MDH1: variants seen among roughly 807,000 people sequenced by gnomAD.
MDH1 encodes malate dehydrogenase 1, also known as malate dehydrogenase, cytoplasmic.
A neutral mutation model predicts 38.7 loss-of-function variants in MDH1; 15 were observed. The ratio of observed to expected loss-of-function variants is 0.39; its 90% CI spans 0.26 to 0.60. MDH1 has a LOEUF of 0.60. MDH1 is among the 20% of genes least tolerant of loss of function. The pLI is 0.56. For missense variants in MDH1, 368 were observed against 405.2 expected, an observed-to-expected ratio of 0.91 and a Z score of 0.79; for synonymous variants, 144 against 143.6, an observed-to-expected ratio of 1.00 and a Z score of -0.02.
intron 5 of MDH1, among the ~76,000 whole-genome samples, chr2:63,602,566 G>A (rs1358364896): frequency 6.6e-6 from 1 of 151,780 alleles, no homozygotes; most frequent in Non-Finnish European, 1.5e-5. Flanking sequence ...ATTTTTTTCT[G>A]TGTCTTTATG....
At chr2:63,600,260 C>T (rs1335013404) in intron 5 of MDH1, among the ~76,000 whole-genome samples, 1 of 152,174 alleles carries the variant, frequency 6.6e-6, no homozygotes, top group Non-Finnish European at 1.5e-5. Context: ...AAATTGAATG[C>T]TATACATGTA....
chr2:63,602,687 T>A (rs1035190316), intron 5 of MDH1, among the ~76,000 whole-genome samples: 2 of 152,152 alleles, frequency 1.3e-5, no homozygotes, highest in Non-Finnish European at 2.9e-5. Context: ...CTCTCCCTTA[T>A]GGTCACACCA....
intron 1 of MDH1, chr2:63,593,450 A>G (rs1021032628): frequency 1.5e-5 from 6 of 413,266 alleles, no homozygotes; most frequent in African/African-American, 1.3e-4. Context: ...TGAGTACCAA[A>G]TTGCTGAGTG....
At position 63,599,043 on chromosome 2, in the gene MDH1, G is replaced by A. The variant is rs931776445; in HGVS notation, c.376-127G>A. Reference sequence around the variant, plus strand: ...AAAATGCATTTTCCTATGCTATATTGTATTTGGTGTTTCCCAAGCCTCCCC... The same window carrying A: ...AAAATGCATTTTCCTATGCTATATTATATTTGGTGTTTCCCAAGCCTCCCC... On this transcript the variant is annotated intron_variant, in intron 4 of 8. Transcript: ENST00000233114. The A allele has an allele frequency of 6.8e-6, 5 of 740,340 alleles. No homozygotes were observed. In the South Asian group the frequency reaches 1.5e-4, roughly 22 times the overall value. 45.9% of individuals were successfully genotyped at this position (740,340 alleles called of 1,614,324 possible).
At chr2:63,591,502 T>G (rs1709201142) in intron 1 of MDH1, among the ~76,000 whole-genome samples, 2 of 152,236 alleles carry the variant, frequency 1.3e-5, no homozygotes, top group Non-Finnish European at 2.9e-5. Context: ...GAACATGTTT[T>G]TAAGTAGCTA....
chr2:63,598,981 T>A (rs1709369843), intron 4 of MDH1, among the ~76,000 whole-genome samples, 189 bp from the exon 5 acceptor site: 1 of 152,128 alleles, frequency 6.6e-6, no homozygotes. Flanking sequence ...TATTTCAAAA[T>A]TTTTTATTAC....
chr2:63,602,307 C>CT (rs978499371), intron 5 of MDH1, among the ~76,000 whole-genome samples: 8 of 131,918 alleles, frequency 6.1e-5, no homozygotes, highest in East Asian at 4.5e-4. Flanking sequence ...AGGTAATGGC[C>CT]TTTTTTTTCA....
At chr2:63,599,387 C>G in intron 5 of MDH1, 95 bp downstream of exon 5, 1 of 1,339,512 alleles carries the variant, frequency 7.5e-7, no homozygotes, top group Non-Finnish European at 1.0e-6. Flanking sequence ...GTGCTTTTTT[C>G]TTGTTTTTGT....
intron 4 of MDH1, among the ~76,000 whole-genome samples, chr2:63,598,896 CAA>C (rs1333463606): frequency 3.5e-4 from 25 of 72,174 alleles, no homozygotes; most frequent in Admixed American, 6.1e-4. Context: ...AAAGAGGTAC[CAA>C]AAAAAAAAAA....
In MDH1 at chr2:63,604,858, GGAGAATTT is replaced by G; in HGVS notation, c.663_670del (p.Glu222HisfsTer28). The G allele has an allele frequency of 6.2e-7, 1 of 1,614,072 alleles. No homozygotes were observed. The highest frequency in any genetic ancestry group is 8.5e-7 in the Non-Finnish European group (1 of 1,180,020). ...TCTGAAAGATGACAGCTGGCTCAAG[GGAGAATTT>G]GTCACGGTAAGAAAAATCTGTGAGC... On this transcript the variant is annotated frameshift_variant, in exon 6 of 9. Coordinates refer to ENST00000233114, the MANE Select transcript of MDH1 (RefSeq NM_005917.4). LOFTEE classifies it high-confidence loss of function.
At chr2:63,589,367 T>C in intron 1 of MDH1, 4 of 1,550,582 alleles carry the variant, frequency 2.6e-6, no homozygotes, top group Non-Finnish European at 3.5e-6. Context: ...CGTTACGGTG[T>C]TTGATAAGGA....
chr2:63,600,363 C>T (rs1709395489), intron 5 of MDH1, among the ~76,000 whole-genome samples: 2 of 152,160 alleles, frequency 1.3e-5, no homozygotes, highest in African/African-American at 4.8e-5. Flanking sequence ...GTCAGAGAAC[C>T]TGCTCAGAGT....
intron 1 of MDH1, among the ~76,000 whole-genome samples, chr2:63,591,134 T>C (rs1382677826): frequency 6.6e-6 from 1 of 152,240 alleles, no homozygotes; most frequent in Non-Finnish European, 1.5e-5. Context: ...GGAAAGTCAT[T>C]GGTGCCCTGC....
intron 1 of MDH1, among the ~76,000 whole-genome samples, chr2:63,589,565 C>A (rs911377273): frequency 1.2e-4 from 18 of 152,222 alleles, no homozygotes; most frequent in African/African-American, 3.6e-4. Flanking sequence ...TATCTAATTT[C>A]TCAAAATGTT....
At chr2:63,597,723 C>T (rs1709345312) in intron 4 of MDH1, 149 bp downstream of exon 4, 1 of 602,336 alleles carries the variant, frequency 1.7e-6, no homozygotes, top group Admixed American at 4.4e-5. Flanking sequence ...GCTTGATAAG[C>T]TCTCCCTTTC....
At chr2:63,602,934 CTTTTTTTTTTTTTTTTTTTTTTTT>C (rs370479356) in intron 5 of MDH1, among the ~76,000 whole-genome samples, 269 of 131,586 alleles carry the variant, frequency 2.0e-3, no homozygotes, top group Non-Finnish European at 3.8e-3. Context: ...TTTAACCGTT[CTTTTTTTTTTTTTTTTTTTTTTTT>C]TTTTTTTTTT....
At chr2:63,601,091 C>A (rs371967123) in intron 5 of MDH1, among the ~76,000 whole-genome samples, 2 of 152,220 alleles carry the variant, frequency 1.3e-5, no homozygotes, top group East Asian at 1.9e-4. Context: ...AAAGTGCTAT[C>A]TCCTCAGACT....
At chr2:63,599,759 T>C (rs1417023184) in intron 5 of MDH1, 1 of 152,534 alleles carries the variant, frequency 6.6e-6, no homozygotes, top group Non-Finnish European at 1.5e-5. Flanking sequence ...TTTCATTTTA[T>C]GTCTTTTTAA....
At chr2:63,606,436 A>G (rs1015973581) in intron 8 of MDH1, among the ~76,000 whole-genome samples, 1 of 152,112 alleles carries the variant, frequency 6.6e-6, no homozygotes, top group Non-Finnish European at 1.5e-5. Flanking sequence ...TAAAATAGAC[A>G]TTTTTCTCAG....
Sources: gnomAD v4.1 joint callset for allele counts (sites outside exome capture counted in the v4.1 genomes callset) on GRCh38, gnomAD v4.1.1 for gene constraint, MANE v1.5 for transcripts, NCBI Gene and HGNC (gene_info 2026-07-23, HGNC 2026-07-21) for gene names.